BANP: variants seen among roughly 807,000 people sequenced by gnomAD.
The protein encoded by BANP is BTG3 associated nuclear protein.
Under a neutral mutation model 68.1 loss-of-function variants are expected in BANP, and 11 were observed. The ratio of observed to expected loss-of-function variants is 0.16; its 90% confidence interval spans 0.10 to 0.27. The LOEUF is 0.27. Ranked by LOEUF, BANP falls within the 10% of genes least tolerant of loss-of-function variation. BANP has a pLI of 1.00. For missense variants in BANP, 504 were observed against 722.7 expected (o/e 0.70, Z 3.47); for synonymous variants, 329 against 303.2 (o/e 1.09, Z -0.88).
intron 13 of BANP, among the ~76,000 whole-genome samples, chr16:88,074,178 G>C (rs2091086663): frequency 1.3e-5 from 2 of 151,968 alleles, no homozygotes; most frequent in Admixed American, 1.3e-4. Context: ...ACAGAGACAG[G>C]TTTCTGGTTG....
At chr16:88,076,532 C>G (rs373436683) in intron 13 of BANP, 58 bp from the exon 14 acceptor site, 4 of 1,486,584 alleles carry the variant, frequency 2.7e-6, no homozygotes, top group Non-Finnish European at 3.7e-6. Flanking sequence ...CATGACACCC[C>G]CTGGCCATGC....
At chr16:87,956,225 A>G (rs991700666) in intron 1 of BANP, among the ~76,000 whole-genome samples, 2 of 152,260 alleles carry the variant, frequency 1.3e-5, no homozygotes, top group African/African-American at 4.8e-5. Context: ...TGTAACTCAC[A>G]GCACCAGTTT....
rs66648819 is a variant in BANP, at chr16:87,987,712, C to CAAAAAAAAAAAAAAAAAAAAA, written c.362+3460_362+3480dup. Among the ~76,000 whole-genome samples, 16 of 30,370 alleles carry CAAAAAAAAAAAAAAAAAAAAA rather than the reference C, an allele frequency of 5.3e-4. 4 individuals are homozygous for CAAAAAAAAAAAAAAAAAAAAA. The highest frequency in any genetic ancestry group is 1.7e-3 in the Admixed American group (3 of 1,758). 19.9% of individuals were successfully genotyped at this position (30,370 alleles called of 152,430 possible). A position where few individuals can be genotyped will look rare whatever the true frequency, so the allele number is the denominator to read the frequency against. On this transcript the variant is annotated intron_variant, in intron 4 of 13. Coordinates refer to ENST00000682872, the MANE Select transcript of BANP (RefSeq NM_001386991.1). ...CTCCAGGCTGAGCGAGACCCTAACT[C>CAAAAAAAAAAAAAAAAAAAAA]AAAAAAAAAAAAAAAAAAAAAAAAA...
intron 1 of BANP, among the ~76,000 whole-genome samples, chr16:87,964,364 C>A (rs2059675084): frequency 2.0e-5 from 3 of 152,346 alleles, no homozygotes; most frequent in African/African-American, 7.2e-5. Context: ...GCAAGAGAAA[C>A]CTTTCAGATG....
intron 4 of BANP, among the ~76,000 whole-genome samples, chr16:87,987,370 C>G (rs1199311678): frequency 6.6e-6 from 1 of 152,138 alleles, no homozygotes; most frequent in South Asian, 2.1e-4. Context: ...TGAGCCACCA[C>G]GCCTAGTGGA....
At position 87,967,609 on chromosome 16, in the gene BANP, C is replaced by G. The variant is rs138061027; in HGVS notation, c.-68-7439C>G. ...TAGCTGGGATTACAGGCATGCCCCA[C>G]CACACCCAGTTAATTTTTTTTTTTT... is the stretch of plus-strand genomic sequence containing the variant. On this transcript the variant is annotated intron_variant, in intron 1 of 13. Coordinates refer to ENST00000682872, the MANE Select transcript of BANP (RefSeq NM_001386991.1). Among the ~76,000 whole-genome samples, 161 of 147,780 alleles carry G rather than the reference C, an allele frequency of 1.1e-3. 3 individuals are homozygous for G. The East Asian group carries it at 0.031, about 28-fold the overall frequency.
intron 4 of BANP, among the ~76,000 whole-genome samples, chr16:87,997,567 G>T (rs2067618054): frequency 6.6e-6 from 1 of 151,978 alleles, no homozygotes; most frequent in Non-Finnish European, 1.5e-5. Flanking sequence ...CTGGGAGTGA[G>T]ACCATGTGTT....
intron 8 of BANP, among the ~76,000 whole-genome samples, chr16:88,030,747 C>A (rs777747671): frequency 1.3e-5 from 2 of 152,154 alleles, no homozygotes; most frequent in Non-Finnish European, 2.9e-5. Context: ...TCCTCGGAGC[C>A]CTTGTGGTTG....
intron 11 of BANP, among the ~76,000 whole-genome samples, chr16:88,042,079 C>T (rs2080952167): frequency 6.6e-6 from 1 of 152,246 alleles, no homozygotes; most frequent in Non-Finnish European, 1.5e-5. Context: ...GCGAATGGCA[C>T]AGCCATGGGG....
intron 11 of BANP, among the ~76,000 whole-genome samples, chr16:88,052,708 A>G (rs1203907680): frequency 6.6e-6 from 1 of 151,856 alleles, no homozygotes; most frequent in East Asian, 1.9e-4. Context: ...TATCATCTCC[A>G]TCATCATCAC....
chr16:88,009,223 G>T (rs934153415), intron 6 of BANP, among the ~76,000 whole-genome samples: 1 of 152,200 alleles, frequency 6.6e-6, no homozygotes, highest in African/African-American at 2.4e-5. Flanking sequence ...GAGCACCTGG[G>T]CAGGTGGTGA....
chr16:87,987,711 T>G (rs199584717), intron 4 of BANP, among the ~76,000 whole-genome samples: 1 of 6,576 alleles, frequency 1.5e-4, no homozygotes. Context: ...AGACCCTAAC[T>G]CAAAAAAAAA....
intron 6 of BANP, among the ~76,000 whole-genome samples, chr16:88,015,771 T>C (rs1017461803): frequency 6.6e-6 from 1 of 152,262 alleles, no homozygotes; most frequent in Non-Finnish European, 1.5e-5. Context: ...GGTGCTCTTC[T>C]AGCGCCTCAG....
intron 8 of BANP, among the ~76,000 whole-genome samples, chr16:88,032,853 T>A (rs1235117177): frequency 2.0e-5 from 3 of 152,228 alleles, no homozygotes; most frequent in Non-Finnish European, 4.4e-5. Context: ...AGTTGGGGAC[T>A]AGAAGGGGTT....
At chr16:88,052,334 G>A (rs1432947369) in intron 11 of BANP, among the ~76,000 whole-genome samples, 1 of 152,130 alleles carries the variant, frequency 6.6e-6, no homozygotes, top group African/African-American at 2.4e-5. Flanking sequence ...TCTGAAGTTA[G>A]AGACTTGCTT....
At chr16:87,950,866 A>C (rs2056737572), upstream of BANP, 1 of 152,134 alleles carries the variant, frequency 6.6e-6, no homozygotes, top group Non-Finnish European at 1.5e-5. Context: ...CTGACCACTT[A>C]TGTCAGGGAA....
At chr16:88,048,878 C>G (rs952365665) in intron 11 of BANP, among the ~76,000 whole-genome samples, 10 of 151,424 alleles carry the variant, frequency 6.6e-5, no homozygotes, top group African/African-American at 2.4e-4. Flanking sequence ...CAGATTCTGA[C>G]CTCAAGGTTG....
intron 6 of BANP, 151 bp downstream of exon 6, chr16:88,006,416 G>A (rs1252641658): frequency 1.5e-5 from 14 of 922,684 alleles, no homozygotes; most frequent in Non-Finnish European, 2.2e-5. Context: ...GGAGGCTGAG[G>A]CGGGCGGATC....
chr16:87,951,238 G>A (rs934720852), upstream of BANP, among the ~76,000 whole-genome samples: 5 of 152,138 alleles, frequency 3.3e-5, no homozygotes, highest in African/African-American at 1.2e-4. Context: ...AAAACGGGGG[G>A]AAAAAAGCCC....
Sources: allele counts gnomAD v4.1 joint callset (sites outside exome capture counted in the v4.1 genomes callset), GRCh38; gene constraint gnomAD v4.1.1; transcripts MANE v1.5; gene names NCBI Gene and HGNC (gene_info 2026-07-23, HGNC 2026-07-21).